IREB2: variants seen among roughly 807,000 people sequenced by gnomAD.
IREB2 encodes iron responsive element binding protein 2.
IREB2 carries 39 observed loss-of-function variants against 118.8 expected under a neutral mutation model. That is an observed-to-expected ratio of 0.33 (90% CI 0.25 to 0.43). The LOEUF (loss-of-function observed/expected upper bound fraction) is 0.43. Among genes scored for constraint, IREB2 ranks in the 20% least tolerant of loss-of-function variants. The probability of loss-of-function intolerance (pLI) is 1.00; values close to 1 mark genes in which losing one functional copy is unlikely to be tolerated. For missense variants in IREB2, 900 were observed against 1,147.3 expected, an observed-to-expected ratio of 0.78 and a Z score of 3.11; for synonymous variants, 372 against 392.2, an observed-to-expected ratio of 0.95 and a Z score of 0.61.
At chr15:78,459,164 C>A (rs1378519829) in intron 2 of IREB2, among the ~76,000 whole-genome samples, 1 of 152,086 alleles carries the variant, frequency 6.6e-6, no homozygotes, top group Admixed American at 6.5e-5. Context: ...AATTGTCAGC[C>A]ATTTATCAGC....
chr15:78,445,141 T>G (rs2568489), intron 2 of IREB2, among the ~76,000 whole-genome samples: 1 of 118,978 alleles, frequency 8.4e-6, no homozygotes, highest in Non-Finnish European at 1.9e-5. Context: ...TCTTTATTTT[T>G]TTTTTTTTTT....
intron 18 of IREB2, 150 bp from the exon 19 acceptor site, chr15:78,493,759 G>T (rs2051791499): frequency 1.7e-6 from 1 of 605,270 alleles, no homozygotes; most frequent in African/African-American, 1.9e-5. Context: ...GTTATAGCTT[G>T]GTGATAGGCG....
chr15:78,481,213 C>T (rs1381266427), intron 10 of IREB2, among the ~76,000 whole-genome samples: 1 of 152,152 alleles, frequency 6.6e-6, no homozygotes, highest in East Asian at 1.9e-4. Context: ...CGAGTCAATG[C>T]ACTCCAGCCT....
chr15:78,455,199 G>T (rs1368483990), intron 2 of IREB2, among the ~76,000 whole-genome samples: 1 of 152,178 alleles, frequency 6.6e-6, no homozygotes, highest in African/African-American at 2.4e-5. Context: ...GGAAAGCGTG[G>T]ATAGGCTGGT....
At chr15:78,463,989 C>T (rs1468338009) in intron 3 of IREB2, among the ~76,000 whole-genome samples, 2 of 152,230 alleles carry the variant, frequency 1.3e-5, no homozygotes, top group East Asian at 3.9e-4. Flanking sequence ...TCTTTAATAC[C>T]CTCTAACCCA....
At chr15:78,447,118 T>C (rs2050942919) in intron 2 of IREB2, among the ~76,000 whole-genome samples, 1 of 152,114 alleles carries the variant, frequency 6.6e-6, no homozygotes, top group African/African-American at 2.4e-5. Flanking sequence ...ATAGAACCCA[T>C]GATTCTGGCT....
rs1469341312 is a variant in IREB2 at position 78,473,327 on chromosome 15, T to A, written c.969T>A (p.Thr323=). 1 of 1,613,792 alleles carries A rather than the reference T, an allele frequency of 6.2e-7. No individual in the cohort carries two copies. Among genetic ancestry groups the A allele is most frequent in the Non-Finnish European group, 8.5e-7 (1 of 1,179,768 alleles). The change falls in exon 8 of 22, where the codon ACT becomes ACA. Residue 323 remains threonine, a synonymous_variant. Coordinates refer to ENST00000258886, the MANE Select transcript of IREB2 (RefSeq NM_004136.4). ...CAGAGGTGGTTGGATGTGAGTTAAC[T>A]GGGTCATCAAACCCTTTTGTTACAT... is the stretch of plus-strand genomic sequence containing the variant. ...TLPEVVGCEL[T]GSSNPFVTSI... is the part of the protein sequence containing the mutation.
upstream of IREB2, among the ~76,000 whole-genome samples, chr15:78,438,014 A>C (rs1466106373): frequency 6.6e-6 from 1 of 152,216 alleles, no homozygotes; most frequent in Non-Finnish European, 1.5e-5. Context: ...CAAACTAGCC[A>C]CGCCAACGCC....
At position 78,472,441 on chromosome 15, in the gene IREB2, A is replaced by G. The variant is rs376476745; in HGVS notation, c.883+517A>G. Among the ~76,000 whole-genome samples, 8 of 151,124 alleles carry G rather than the reference A, an allele frequency of 5.3e-5. No individual in the cohort carries two copies. The East Asian group carries it at 1.4e-3, about 26-fold the overall frequency. ...GAGTGCAGTGGCACAATCTTGGCTC[A>G]CTGCAGCCTCCACCTCCTGGGTTCA... On this transcript the variant is annotated intron_variant, in intron 7 of 21. Coordinates refer to ENST00000258886, the MANE Select transcript of IREB2 (RefSeq NM_004136.4).
At chr15:78,461,896 TACCTTTTTGTACCAA>T (rs1465640512) in intron 2 of IREB2, among the ~76,000 whole-genome samples, 7 of 152,226 alleles carry the variant, frequency 4.6e-5, no homozygotes, top group Non-Finnish European at 2.9e-5. Flanking sequence ...TTCTTTGTGA[TACCTTTTTGTACCAA>T]AAAGGTACTC....
chr15:78,439,275 A>G (rs1432562364), intron 1 of IREB2, among the ~76,000 whole-genome samples: 2 of 151,972 alleles, frequency 1.3e-5, no homozygotes, highest in Admixed American at 1.3e-4. Flanking sequence ...CTTAACTGAG[A>G]AGTTTTTTTG....
rs1300223896 is a variant in IREB2, at chr15:78,498,269, AATG to A, written c.*134_*136del. The A allele has an allele frequency of 1.8e-6, 1 of 553,940 alleles. No homozygotes were observed. The allele number at this position is 553,940 out of a possible 1,614,324, so 34.3% of individuals were successfully genotyped here. On this transcript the variant is annotated 3_prime_UTR_variant, in exon 22 of 22. Coordinates refer to ENST00000258886, the MANE Select transcript of IREB2 (RefSeq NM_004136.4). ...CTCACTTATCTCATCCATGGATGTA[AATG>A]ATGATGAATCAACATAGTAACTGAA...
At chr15:78,439,034 G>C (rs1288960837) in intron 1 of IREB2, among the ~76,000 whole-genome samples, 1 of 152,124 alleles carries the variant, frequency 6.6e-6, no homozygotes, top group Non-Finnish European at 1.5e-5. Context: ...CCACCGCTAT[G>C]AGTCTGCACA....
chr15:78,494,101 A>G lies in IREB2; in HGVS notation c.2473-41A>G, dbSNP rs529097071. 7.4e-6 allele frequency: 12 copies of G among 1,613,026 alleles called. No homozygotes were observed. In the East Asian group the frequency reaches 2.5e-4, roughly 33 times the overall value. On this transcript the variant is annotated intron_variant, in intron 19 of 21. Coordinates refer to ENST00000258886, the MANE Select transcript of IREB2 (RefSeq NM_004136.4). The stretch of plus-strand genomic sequence containing the variant: ...ATTTAGACAATTTATAACTGGATCA[A>G]AATTTGTATTAAAAAATTTTGTGTT...
Position 78,487,788 on chromosome 15 carries a change from T to C in IREB2, c.1765T>C (p.Ser589Pro). 2 of 1,607,030 alleles carry C rather than the reference T, an allele frequency of 1.2e-6. No homozygotes were observed. Among genetic ancestry groups the C allele is most frequent in the South Asian group, 2.2e-5 (2 of 90,798 alleles). Reference sequence around the variant, plus strand: ...TTGTGTGGGAAATACAGCACCCTTATCAGACGCAGTTTTAAATGCAGTAAA... The same window carrying C: ...TTGTGTGGGAAATACAGCACCCTTACCAGACGCAGTTTTAAATGCAGTAAA... ...SICVGNTAPL[S>P]DAVLNAVKQG... is the part of the protein sequence containing the mutation. The change falls in exon 14 of 22, where the codon TCA (serine) becomes CCA (proline). Residue 589 changes from serine (S) to proline (P), a missense_variant. Coordinates refer to ENST00000258886, the MANE Select transcript of IREB2 (RefSeq NM_004136.4).
intron 2 of IREB2, among the ~76,000 whole-genome samples, 197 bp from the exon 3 acceptor site, chr15:78,462,725 G>A (rs538487751): frequency 3.3e-4 from 50 of 152,236 alleles, no homozygotes; most frequent in African/African-American, 1.1e-3. Flanking sequence ...TTGAGGTTAT[G>A]TACAGGAAAG....
intron 14 of IREB2, 146 bp from the exon 15 acceptor site, chr15:78,488,034 G>GA: frequency 1.4e-6 from 1 of 718,598 alleles, no homozygotes; most frequent in African/African-American, 1.8e-5. Context: ...TTATTTGCAA[G>GA]ATGCATAGTT....
intron 2 of IREB2, among the ~76,000 whole-genome samples, chr15:78,452,338 A>G (rs911978105): frequency 6.6e-6 from 1 of 152,204 alleles, no homozygotes; most frequent in African/African-American, 2.4e-5. Flanking sequence ...AGTTGGGAAC[A>G]TACCAGTATT....
chr15:78,439,773 GA>G (rs1567159087), intron 1 of IREB2, 21 bp from the exon 2 acceptor site: 1 of 1,381,074 alleles, frequency 7.2e-7, no homozygotes, highest in Non-Finnish European at 1.0e-6. Flanking sequence ...TGCATTTAAT[GA>G]AAATACAATT....
Sources: gnomAD v4.1 joint callset for allele counts (sites outside exome capture counted in the v4.1 genomes callset) on GRCh38, gnomAD v4.1.1 for gene constraint, MANE v1.5 for transcripts, NCBI Gene and HGNC (gene_info 2026-07-23, HGNC 2026-07-21) for gene names.